Variants in LDHC observed in about 807,000 individuals in gnomAD.
The protein encoded by LDHC is lactate dehydrogenase C, also known as L-lactate dehydrogenase C chain.
Under a neutral mutation model 30.2 loss-of-function variants are expected in LDHC, and 20 were observed. The ratio of observed to expected loss-of-function variants is 0.66; its 90% CI spans 0.47 to 0.96. The LOEUF (loss-of-function observed/expected upper bound fraction) is 0.96. Among genes scored for constraint, LDHC ranks in the 40% least tolerant of loss-of-function variants. The pLI is 0.00. For synonymous variants in LDHC, 139 were observed against 132.7 expected (o/e 1.05, Z -0.32); for missense variants, 362 against 394.9 (o/e 0.92, Z 0.71).
At chr11:18,427,107 C>T (rs965128500) in intron 3 of LDHC, among the ~76,000 whole-genome samples, 2 of 152,120 alleles carry the variant, frequency 1.3e-5, no homozygotes, top group African/African-American at 4.8e-5. Flanking sequence ...CCTATAATCC[C>T]AGCACTGTGG....
chr11:18,447,268 G>A (rs756926349), intron 7 of LDHC, among the ~76,000 whole-genome samples: 2 of 151,860 alleles, frequency 1.3e-5, no homozygotes, highest in Admixed American at 1.3e-4. Flanking sequence ...CAAGTAGCTG[G>A]GACTATAGGC....
At chr11:18,431,941 G>C (rs891435198) in intron 4 of LDHC, among the ~76,000 whole-genome samples, 1 of 152,026 alleles carries the variant, frequency 6.6e-6, no homozygotes, top group Non-Finnish European at 1.5e-5. Flanking sequence ...TTTATCTTTT[G>C]TATTTTTTTG....
intron 3 of LDHC, among the ~76,000 whole-genome samples, 193 bp downstream of exon 3, chr11:18,415,494 C>T (rs570044471): frequency 1.2e-4 from 19 of 152,192 alleles, no homozygotes; most frequent in African/African-American, 2.4e-4. Flanking sequence ...TGCAGTGGCG[C>T]GATCTTGGCT....
intron 3 of LDHC, among the ~76,000 whole-genome samples, chr11:18,415,581 G>A (rs919132619): frequency 6.6e-6 from 1 of 152,090 alleles, no homozygotes; most frequent in Non-Finnish European, 1.5e-5. Flanking sequence ...ACAGGCATGC[G>A]CCACCACGCC....
chr11:18,427,213 G>A (rs925387094), intron 3 of LDHC, among the ~76,000 whole-genome samples: 4 of 151,980 alleles, frequency 2.6e-5, no homozygotes, highest in South Asian at 4.2e-4. Flanking sequence ...AAAATTAGCC[G>A]GGCATGGTGG....
chr11:18,432,853 AG>A lies in LDHC; in HGVS notation c.419-1885del, dbSNP rs1848292367. ...CCCTTTATGTGAGTCCTTGTATGTT[AG>A]GTGAGTCTACTGAAGACAGCAGATA... On this transcript the variant is annotated intron_variant, in intron 4 of 7. Coordinates refer to ENST00000541669, the MANE Select transcript of LDHC (RefSeq NM_017448.5). 6.6e-5 allele frequency among the ~76,000 whole-genome samples: 10 copies of A among 152,338 alleles called. No homozygotes were observed. In the South Asian group the frequency reaches 1.9e-3, roughly 28 times the overall value.
chr11:18,413,492 C>T (rs1239976027), intron 2 of LDHC, among the ~76,000 whole-genome samples: 5 of 111,382 alleles, frequency 4.5e-5, no homozygotes, highest in Non-Finnish European at 8.5e-5. Context: ...GAGACGGAGT[C>T]TCGCTCTGTT....
intron 3 of LDHC, 96 bp from the exon 4 acceptor site, chr11:18,429,641 A>G (rs1018314326): frequency 3.2e-5 from 20 of 621,542 alleles, no homozygotes; most frequent in Non-Finnish European, 4.2e-5. Flanking sequence ...GGATACTTTA[A>G]TATAATACTA....
chr11:18,447,729 G>C (rs80267329), intron 7 of LDHC, among the ~76,000 whole-genome samples: 2,021 of 152,180 alleles, frequency 0.013, 50 homozygotes, highest in African/African-American at 0.046. Flanking sequence ...AATATGTTTT[G>C]TTTTTATAAG....
intron 2 of LDHC, 84 bp downstream of exon 2, chr11:18,412,927 G>C (rs1866920639): frequency 7.7e-7 from 1 of 1,304,168 alleles, no homozygotes; most frequent in African/African-American, 1.5e-5. Context: ...GGGTTGCAAG[G>C]TTAATCCCTT....
At chr11:18,420,724 C>T (rs1867109267) in intron 3 of LDHC, among the ~76,000 whole-genome samples, 1 of 149,810 alleles carries the variant, frequency 6.7e-6, no homozygotes, top group Admixed American at 6.7e-5. Context: ...CAGGCCCTCC[C>T]TAAAGGAAAC....
chr11:18,429,686 C>G (rs943307331), intron 3 of LDHC, 51 bp from the exon 4 acceptor site: 4 of 1,080,588 alleles, frequency 3.7e-6, no homozygotes, highest in Non-Finnish European at 5.5e-6. Flanking sequence ...AGTTAAGGCA[C>G]AGTGGTTATG....
chr11:18,449,086 T>C (rs1848605564), intron 7 of LDHC, among the ~76,000 whole-genome samples: 1 of 151,998 alleles, frequency 6.6e-6, no homozygotes, highest in Non-Finnish European at 1.5e-5. Context: ...GGAAACAAAT[T>C]CTGGAAATAA....
chr11:18,427,262 G>A (rs1848176802), intron 3 of LDHC, among the ~76,000 whole-genome samples: 1 of 152,112 alleles, frequency 6.6e-6, no homozygotes, highest in Admixed American at 6.6e-5. Context: ...AGGCTGAGGC[G>A]AGGTATTGCT....
intron 4 of LDHC, among the ~76,000 whole-genome samples, chr11:18,432,510 T>G (rs1420990570): frequency 6.6e-6 from 1 of 152,212 alleles, no homozygotes; most frequent in Non-Finnish European, 1.5e-5. Flanking sequence ...AATTCACTGT[T>G]TCTTTGTTGA....
At chr11:18,450,723 T>C in intron 7 of LDHC, 2 of 366,588 alleles carry the variant, frequency 5.5e-6, no homozygotes, top group South Asian at 5.0e-5. Flanking sequence ...ATAAGGTAAA[T>C]TGTATGTTTC....
intron 3 of LDHC, among the ~76,000 whole-genome samples, chr11:18,417,740 A>T (rs978976711): frequency 1.3e-5 from 2 of 152,212 alleles, no homozygotes; most frequent in African/African-American, 4.8e-5. Context: ...CCCAGGGATT[A>T]ACTTACTTTT....
chr11:18,439,613 C>T (rs1287429575), intron 6 of LDHC, among the ~76,000 whole-genome samples: 1 of 143,088 alleles, frequency 7.0e-6, no homozygotes, highest in Non-Finnish European at 1.5e-5. Context: ...TGGATATTCA[C>T]AGCTTGGAAT....
chr11:18,434,230 T>TA (rs397743792), intron 4 of LDHC, among the ~76,000 whole-genome samples: 2 of 149,614 alleles, frequency 1.3e-5, no homozygotes, highest in Non-Finnish European at 3.0e-5. Flanking sequence ...TTTTTTTTTT[T>TA]ATTTCCTTGC....
Sources: allele counts gnomAD v4.1 joint callset (sites outside exome capture counted in the v4.1 genomes callset), GRCh38; gene constraint gnomAD v4.1.1; transcripts MANE v1.5; gene names NCBI Gene and HGNC (gene_info 2026-07-23, HGNC 2026-07-21).